REEP3: variants seen among roughly 807,000 people sequenced by gnomAD.
The protein encoded by REEP3 is receptor accessory protein 3.
A neutral mutation model predicts 41.3 loss-of-function variants in REEP3; 20 were observed. The observed-to-expected ratio is 0.48, with a 90% confidence interval of 0.34 to 0.70. The LOEUF (loss-of-function observed/expected upper bound fraction) is 0.70. Among genes scored for constraint, REEP3 ranks in the 30% least tolerant of loss-of-function variants. The pLI, the probability that REEP3 is intolerant of heterozygous loss-of-function variation, is 0.01. For synonymous variants in REEP3, 104 were observed against 101.8 expected, an observed-to-expected ratio of 1.02 and a Z score of -0.13; for missense variants, 271 against 308.8, an observed-to-expected ratio of 0.88 and a Z score of 0.92.
At chr10:63,575,386 T>C (rs189280359) in intron 2 of REEP3, among the ~76,000 whole-genome samples, 3 of 152,316 alleles carry the variant, frequency 2.0e-5, no homozygotes, top group Admixed American at 2.0e-4. Flanking sequence ...TTATAGTCAA[T>C]TTTGCTAAAC....
At chr10:63,538,616 C>G (rs1469396939) in intron 1 of REEP3, among the ~76,000 whole-genome samples, 1 of 152,114 alleles carries the variant, frequency 6.6e-6, no homozygotes, top group East Asian at 1.9e-4. Flanking sequence ...TGCCTGTAAT[C>G]CCAGATACTC....
intron 5 of REEP3, among the ~76,000 whole-genome samples, chr10:63,602,363 C>CTT (rs1956180068): frequency 2.6e-5 from 4 of 152,256 alleles, no homozygotes; most frequent in South Asian, 4.1e-4. Flanking sequence ...GAGAAGGAGA[C>CTT]TAAGAGCTTG....
At position 63,620,805 on chromosome 10, in the gene REEP3, C is replaced by T; in HGVS notation, c.712-8C>T. On this transcript the variant is annotated splice_region_variant and splice_polypyrimidine_tract_variant and intron_variant, in intron 7 of 7. Transcript: ENST00000373758. ...TAATTCTTAATAATAAAACATTTCT[C>T]TCTTCAGGTGCGGTACGGGTCACTA... 6.3e-7 allele frequency: 1 copy of T among 1,582,102 alleles called. No individual in the cohort carries two copies. Among genetic ancestry groups the T allele is most frequent in the Non-Finnish European group, 8.6e-7 (1 of 1,158,732 alleles).
At chr10:63,577,805 G>A (rs1955910998) in intron 2 of REEP3, among the ~76,000 whole-genome samples, 1 of 151,964 alleles carries the variant, frequency 6.6e-6, no homozygotes, top group Non-Finnish European at 1.5e-5. Flanking sequence ...GAGTTAAGTT[G>A]CTTCTCAGTT....
chr10:63,532,410 C>G (rs1379073057), intron 1 of REEP3, among the ~76,000 whole-genome samples: 1 of 152,052 alleles, frequency 6.6e-6, no homozygotes, highest in East Asian at 1.9e-4. Context: ...GTGCTGTAAT[C>G]CCAGCACTTT....
At chr10:63,551,065 A>C (rs1217403725) in intron 1 of REEP3, among the ~76,000 whole-genome samples, 1 of 152,250 alleles carries the variant, frequency 6.6e-6, no homozygotes, top group Non-Finnish European at 1.5e-5. Flanking sequence ...GCTAGTGTCC[A>C]GATCTTGGTT....
At chr10:63,568,724 T>C (rs1288454337) in intron 2 of REEP3, among the ~76,000 whole-genome samples, 2 of 145,742 alleles carry the variant, frequency 1.4e-5, no homozygotes, top group South Asian at 2.3e-4. Flanking sequence ...GGCACCATCA[T>C]AGTTCACTGT....
In REEP3 at chr10:63,521,562, T is replaced by G. The variant is rs765713511; in HGVS notation, c.17T>G (p.Ile6Ser). MVSWM[I>S]SRAVVLVFGM... ...CCCGTGAAGATGGTGTCCTGGATGA[T>G]CTCCAGAGCCGTGGTGTAAGTGCCT... Residue 6 changes from isoleucine (I) to serine (S), a missense_variant, in exon 1 of 8, where the codon ATC becomes AGC. Transcript: ENST00000373758. 3 of 1,433,772 alleles carry G rather than the reference T, an allele frequency of 2.1e-6. No homozygotes were observed. Among genetic ancestry groups the G allele is most frequent in the Non-Finnish European group, 2.8e-6 (3 of 1,082,374 alleles). 88.8% of individuals were successfully genotyped at this position (1,433,772 alleles called of 1,614,324 possible).
chr10:63,524,034 T>A (rs572270910), intron 1 of REEP3, among the ~76,000 whole-genome samples: 1 of 152,270 alleles, frequency 6.6e-6, no homozygotes, highest in Admixed American at 6.5e-5. Flanking sequence ...AGCAATAATG[T>A]GAGGAAGAAA....
chr10:63,622,647 TA>T lies in REEP3; in HGVS notation c.*1780del, dbSNP rs1461226971. ...AAAGACAGTATCATCTGAAGTTGCC[TA>T]ATAAGGTCATGTGAGTCAAGAACTT... On this transcript the variant is annotated 3_prime_UTR_variant, in exon 8 of 8. Transcript: ENST00000373758. The T allele has an allele frequency of 1.3e-5, 2 of 151,562 alleles. No homozygotes were observed. Among genetic ancestry groups the T allele is most frequent in the East Asian group, 1.9e-4 (1 of 5,186 alleles). The allele number at this position is 151,562 out of a possible 1,614,324, so 9.4% of individuals were successfully genotyped here.
In REEP3 at chr10:63,562,765, T is replaced by C. The variant is rs558737716; in HGVS notation, c.33-3573T>C. 8.6e-4 allele frequency among the ~76,000 whole-genome samples: 131 copies of C among 152,294 alleles called. 1 individual carries two copies. Among genetic ancestry groups the C allele is most frequent in the African/African-American group, 3.1e-3 (129 of 41,556 alleles). On this transcript the variant is annotated intron_variant, in intron 1 of 7. Transcript: ENST00000373758. Reference sequence around the variant, plus strand: ...CTAAAAATATGGAGAGATGTAAATATTTGCTCCAGTGTAAGAAAGACTTAT... The same window carrying C: ...CTAAAAATATGGAGAGATGTAAATACTTGCTCCAGTGTAAGAAAGACTTAT...
intron 5 of REEP3, among the ~76,000 whole-genome samples, chr10:63,606,812 T>C (rs564014785): frequency 2.6e-5 from 4 of 152,316 alleles, no homozygotes; most frequent in South Asian, 4.1e-4. Context: ...AATTTTGTAA[T>C]ATTAAAGACA....
chr10:63,534,841 C>T (rs1408984846), intron 1 of REEP3, among the ~76,000 whole-genome samples: 6 of 152,102 alleles, frequency 3.9e-5, no homozygotes, highest in Non-Finnish European at 7.4e-5. Context: ...GACCTATAAC[C>T]CTACAAGTGA....
intron 1 of REEP3, among the ~76,000 whole-genome samples, chr10:63,552,040 C>A (rs865921606): frequency 2.0e-5 from 3 of 152,106 alleles, no homozygotes; most frequent in African/African-American, 7.2e-5. Flanking sequence ...TATGGCATTT[C>A]TGTCTTAATT....
At chr10:63,593,705 T>G (rs1234090786) in intron 2 of REEP3, among the ~76,000 whole-genome samples, 1 of 152,142 alleles carries the variant, frequency 6.6e-6, no homozygotes, top group East Asian at 1.9e-4. Flanking sequence ...TTGGGAGAAT[T>G]AACTCAGAAA....
chr10:63,592,949 A>G (rs1185677182), intron 2 of REEP3, among the ~76,000 whole-genome samples: 1 of 151,962 alleles, frequency 6.6e-6, no homozygotes, highest in African/African-American at 2.4e-5. Context: ...TGAAAGTACT[A>G]AATTAGTGTT....
chr10:63,565,151 T>G (rs1447756020), intron 1 of REEP3, among the ~76,000 whole-genome samples: 1 of 152,140 alleles, frequency 6.6e-6, no homozygotes, highest in Non-Finnish European at 1.5e-5. Flanking sequence ...TCCCAGCTAC[T>G]CAGGAGCCTG....
At chr10:63,599,067 A>T in intron 4 of REEP3, 103 bp from the exon 5 acceptor site, 1 of 624,532 alleles carries the variant, frequency 1.6e-6, no homozygotes, top group Non-Finnish European at 2.8e-6. Context: ...ACACATGCTT[A>T]ATGCTATAAA....
intron 6 of REEP3, among the ~76,000 whole-genome samples, chr10:63,616,920 T>TA (rs1460392866): frequency 6.6e-6 from 1 of 152,216 alleles, no homozygotes; most frequent in East Asian, 1.9e-4. Flanking sequence ...TGAAAAAATT[T>TA]AAAATCACCT....
Sources: gnomAD v4.1 joint callset for allele counts (sites outside exome capture counted in the v4.1 genomes callset) on GRCh38, gnomAD v4.1.1 for gene constraint, MANE v1.5 for transcripts, NCBI Gene and HGNC (gene_info 2026-07-23, HGNC 2026-07-21) for gene names.